Variants in SNX29 observed in about 807,000 individuals in gnomAD.
SNX29 encodes the protein sorting nexin-29.
A neutral mutation model predicts 102.1 loss-of-function variants in SNX29; 78 were observed. The ratio of observed to expected loss-of-function variants is 0.76; its 90% CI spans 0.64 to 0.92. The LOEUF (loss-of-function observed/expected upper bound fraction) is 0.92, where lower values mean the gene tolerates loss of function less well. SNX29 is among the 40% of genes least tolerant of loss of function. The probability of loss-of-function intolerance (pLI) is 0.00; values close to 1 mark genes in which losing one functional copy is unlikely to be tolerated. For missense variants in SNX29, 1,280 were observed against 1,061.7 expected (o/e 1.21, Z -2.86); for synonymous variants, 580 against 414.5 (o/e 1.40, Z -4.85).
chr16:12,199,494 A>G (rs1471651664), intron 13 of SNX29, 107 bp from the exon 14 acceptor site: 5 of 822,320 alleles, frequency 6.1e-6, no homozygotes, highest in Non-Finnish European at 9.8e-6. Flanking sequence ...ATAAGATGCA[A>G]ATTGTGCTTT....
At chr16:11,987,544 G>A (rs965782144) in intron 1 of SNX29, among the ~76,000 whole-genome samples, 2 of 151,782 alleles carry the variant, frequency 1.3e-5, no homozygotes, top group Non-Finnish European at 2.9e-5. Flanking sequence ...CTACAGGTGC[G>A]TGCCACCACG....
chr16:12,523,089 G>GGT (rs951129829), intron 19 of SNX29, among the ~76,000 whole-genome samples: 3 of 152,190 alleles, frequency 2.0e-5, no homozygotes, highest in African/African-American at 7.2e-5. Flanking sequence ...TGGGATTAAA[G>GGT]GTGTGTGAGC....
chr16:12,556,066 ATTAATC>A (rs11278663), intron 20 of SNX29, among the ~76,000 whole-genome samples: 3,316 of 152,126 alleles, frequency 0.022, 256 homozygotes, highest in East Asian at 0.17. Flanking sequence ...TGCTTTTCTT[ATTAATC>A]TTATAGAATT....
At chr16:12,076,846 AC>A (rs2051598391) in intron 10 of SNX29, among the ~76,000 whole-genome samples, 1 of 152,196 alleles carries the variant, frequency 6.6e-6, no homozygotes, top group Admixed American at 6.5e-5. Context: ...CCATGGTCTT[AC>A]CTGGAACAGT....
intron 14 of SNX29, among the ~76,000 whole-genome samples, chr16:12,264,853 G>A (rs1167237526): frequency 6.6e-6 from 1 of 151,934 alleles, no homozygotes; most frequent in African/African-American, 2.4e-5. Context: ...GGGCACAACA[G>A]TTAACAGCCT....
At chr16:12,254,043 C>A (rs776567924) in intron 14 of SNX29, among the ~76,000 whole-genome samples, 1 of 152,080 alleles carries the variant, frequency 6.6e-6, no homozygotes, top group Non-Finnish European at 1.5e-5. Flanking sequence ...AGGGCATTGT[C>A]CTGAGCAGCC....
At chr16:12,490,785 A>G (rs2088506045) in intron 19 of SNX29, among the ~76,000 whole-genome samples, 1 of 152,256 alleles carries the variant, frequency 6.6e-6, no homozygotes, top group Non-Finnish European at 1.5e-5. Flanking sequence ...TTATTAGGAA[A>G]TGTTTCAGGT....
intron 3 of SNX29, among the ~76,000 whole-genome samples, chr16:12,019,591 T>TAG (rs1555520333): frequency 0.21 from 29,827 of 142,668 alleles, 3,335 homozygotes; most frequent in Middle Eastern, 0.26. Context: ...AATATATATA[T>TAG]ATAGATAGAT....
chr16:12,122,798 A>G (rs1057514637), intron 11 of SNX29, among the ~76,000 whole-genome samples: 1 of 151,990 alleles, frequency 6.6e-6, no homozygotes, highest in Admixed American at 6.6e-5. Flanking sequence ...CAACTTTTTC[A>G]TTGCCTATCA....
At chr16:12,539,829 C>G (rs747663399) in intron 20 of SNX29, among the ~76,000 whole-genome samples, 5 of 152,164 alleles carry the variant, frequency 3.3e-5, no homozygotes, top group Non-Finnish European at 7.3e-5. Flanking sequence ...TTAACACATC[C>G]TCTTTGGGGA....
At position 12,544,354 on chromosome 16, in the gene SNX29, A is replaced by G. The variant is rs74011369; in HGVS notation, c.2318+19513A>G. ...GCAGGAAAAGTCAGTACTGTTGGAAAGGAGAAGTGATGCTGGGGAGTGGAA... is the reference window on the plus strand; with the variant it reads ...GCAGGAAAAGTCAGTACTGTTGGAAGGGAGAAGTGATGCTGGGGAGTGGAA... On this transcript the variant is annotated intron_variant, in intron 20 of 20. Coordinates refer to ENST00000566228, the MANE Select transcript of SNX29 (RefSeq NM_032167.5). Among the ~76,000 whole-genome samples the G allele has an allele frequency of 7.7e-3, 1,176 of 152,296 alleles. 20 individuals carry two copies. The highest frequency in any genetic ancestry group is 0.027 in the African/African-American group (1,113 of 41,514).
At chr16:12,132,413 A>G (rs1597004372) in intron 13 of SNX29, among the ~76,000 whole-genome samples, 1 of 152,276 alleles carries the variant, frequency 6.6e-6, no homozygotes, top group East Asian at 1.9e-4. Flanking sequence ...GTGTCATTTA[A>G]TGGCTTGTAT....
At chr16:12,533,555 T>A (rs1008244547) in intron 20 of SNX29, among the ~76,000 whole-genome samples, 1 of 152,170 alleles carries the variant, frequency 6.6e-6, no homozygotes, top group African/African-American at 2.4e-5. Context: ...TTTCTTACTT[T>A]CTTAGCCTCG....
intron 6 of SNX29, among the ~76,000 whole-genome samples, chr16:12,047,261 C>T (rs945986397): frequency 1.3e-5 from 2 of 152,138 alleles, no homozygotes; most frequent in East Asian, 1.9e-4. Context: ...TTACGTTGTT[C>T]GCCCTTTGAC....
At chr16:12,218,065 A>G (rs909709989) in intron 14 of SNX29, among the ~76,000 whole-genome samples, 1 of 151,430 alleles carries the variant, frequency 6.6e-6, no homozygotes, top group Non-Finnish European at 1.5e-5. Context: ...TTAAATATGA[A>G]TTATGGAAGG....
At chr16:12,283,652 G>A (rs1267899633) in intron 15 of SNX29, among the ~76,000 whole-genome samples, 2 of 152,304 alleles carry the variant, frequency 1.3e-5, no homozygotes, top group Non-Finnish European at 2.9e-5. Context: ...TTTCATCTGT[G>A]AGTTGCATTA....
rs147537607 is a variant in SNX29 at position 12,450,061 on chromosome 16, T to G, written c.2038-27658T>G. Among the ~76,000 whole-genome samples the G allele has an allele frequency of 1.0e-3, 159 of 152,302 alleles. 1 individual carries two copies. The highest frequency in any genetic ancestry group is 3.6e-3 in the African/African-American group (151 of 41,566). On this transcript the variant is annotated intron_variant, in intron 18 of 20. Transcript: ENST00000566228. ...TGATGGTTTTATAAGGGAAAACCCC[T>G]TTTGCTTATTCTTGTTCTCTCTTGC...
At chr16:12,439,990 C>A (rs1055815136) in intron 18 of SNX29, among the ~76,000 whole-genome samples, 3 of 152,176 alleles carry the variant, frequency 2.0e-5, no homozygotes, top group Admixed American at 6.5e-5. Context: ...GGATGCAGCC[C>A]AACTCTGCCT....
At chr16:12,433,125 T>G (rs1409539208) in intron 18 of SNX29, among the ~76,000 whole-genome samples, 1 of 152,220 alleles carries the variant, frequency 6.6e-6, no homozygotes, top group Non-Finnish European at 1.5e-5. Context: ...CCCGTTCCTT[T>G]CAGACCCTGT....
Sources: allele counts gnomAD v4.1 joint callset (sites outside exome capture counted in the v4.1 genomes callset), GRCh38; gene constraint gnomAD v4.1.1; transcripts MANE v1.5; gene names NCBI Gene and HGNC (gene_info 2026-07-23, HGNC 2026-07-21).